The following CUBN variants were observed in gnomAD, a reference collection of about 807,000 sequenced individuals.
The protein encoded by CUBN is cubilin, also known as 460 kDa receptor.
A neutral mutation model predicts 405.3 loss-of-function variants in CUBN; 282 were observed. The observed-to-expected ratio is 0.70, with a 90% CI of 0.63 to 0.77. The LOEUF is 0.77. CUBN is among the 30% of genes least tolerant of loss of function. CUBN has a pLI of 0.00. For synonymous variants in CUBN, 1,684 were observed against 1,617.0 expected, an observed-to-expected ratio of 1.04 and a Z score of -0.99; for missense variants, 4,514 against 4,475.2, an observed-to-expected ratio of 1.01 and a Z score of -0.25.
intron 59 of CUBN, among the ~76,000 whole-genome samples, chr10:16,867,800 C>T (rs1840229657): frequency 6.6e-6 from 1 of 152,104 alleles, no homozygotes; most frequent in African/African-American, 2.4e-5. Flanking sequence ...CACAATAGGT[C>T]TAAAAATGTC....
At chr10:17,011,250 C>T (rs983213860) in intron 28 of CUBN, among the ~76,000 whole-genome samples, 15 of 152,162 alleles carry the variant, frequency 9.9e-5, no homozygotes, top group African/African-American at 3.6e-4. Context: ...AATGAAGCCA[C>T]GGACCCTCAC....
intron 15 of CUBN, 50 bp from the exon 16 acceptor site, chr10:17,085,809 A>G (rs1354263372): frequency 6.6e-7 from 1 of 1,515,768 alleles, no homozygotes; most frequent in African/African-American, 1.4e-5. Flanking sequence ...GATTTTTAAC[A>G]AACTAGGTCA....
At chr10:16,834,483 G>T (rs944998219) in intron 64 of CUBN, among the ~76,000 whole-genome samples, 11 of 152,112 alleles carry the variant, frequency 7.2e-5, no homozygotes, top group African/African-American at 2.7e-4. Context: ...GGTGAAGAAA[G>T]GACAGACCAC....
In CUBN at chr10:16,836,462, A is replaced by G. The variant is rs1212194905; in HGVS notation, c.10033-80T>C. On this transcript the variant is annotated intron_variant, in intron 62 of 66. Transcript: ENST00000377833. The stretch of plus-strand genomic sequence containing the variant: ...CCATAACAGAAATTAGACTGCATAT[A>G]AAAGCATGGTGTAAATATTTAGCCA... 30 of 1,293,982 alleles carry G rather than the reference A, an allele frequency of 2.3e-5. No individual in the cohort carries two copies. In the East Asian group the frequency reaches 6.0e-4, roughly 26 times the overall value. 80.2% of individuals were successfully genotyped at this position (1,293,982 alleles called of 1,614,324 possible). A position where few individuals can be genotyped will look rare whatever the true frequency, so the allele number is the denominator to read the frequency against.
rs375755863 is a variant in CUBN, at chr10:17,127,294, C to T, written c.349-495G>A. 8.6e-5 allele frequency among the ~76,000 whole-genome samples: 11 copies of T among 127,382 alleles called. No individual in the cohort carries two copies. The South Asian group carries it at 3.0e-3, about 35-fold the overall frequency. The allele number at this position is 127,382 out of a possible 152,430, so 83.6% of individuals were successfully genotyped here. ...TTTTTTTTTTTTTTTCTGGCAAGGT[C>T]CCACTCTGTTGCCTGGGCTGGAGCA... On this transcript the variant is annotated intron_variant, in intron 3 of 66. Coordinates refer to ENST00000377833, the MANE Select transcript of CUBN (RefSeq NM_001081.4).
At chr10:16,984,376 A>G (rs1341653322) in intron 29 of CUBN, 97 bp from the exon 30 acceptor site, 37 of 1,217,468 alleles carry the variant, frequency 3.0e-5, no homozygotes, top group Non-Finnish European at 4.1e-5. Flanking sequence ...CTTGGGTTCT[A>G]TGATTATTAG....
rs375230728 is a variant in CUBN, at chr10:16,954,798, C to T, written c.4696-250G>A. On this transcript the variant is annotated intron_variant, in intron 31 of 66. Coordinates refer to ENST00000377833, the MANE Select transcript of CUBN (RefSeq NM_001081.4). ...GATTTCTTGATATCTTCATAAATGC[C>T]GTCCCTTCCACACTCCCCTTCCTTC... Among the ~76,000 whole-genome samples, 328 of 152,148 alleles carry T rather than the reference C, an allele frequency of 2.2e-3. 1 individual carries two copies. The highest frequency in any genetic ancestry group is 7.6e-3 in the African/African-American group (315 of 41,502).
intron 65 of CUBN, among the ~76,000 whole-genome samples, chr10:16,829,860 C>T (rs1427438429): frequency 1.3e-5 from 2 of 151,384 alleles, no homozygotes; most frequent in East Asian, 1.9e-4. Flanking sequence ...CTTGCTCTGT[C>T]GCCCAGGCTG....
At chr10:16,965,988 G>T (rs767844910) in intron 31 of CUBN, 1 of 471,008 alleles carries the variant, frequency 2.1e-6, no homozygotes. Flanking sequence ...CTAGAGAAAA[G>T]GTGAAATCAA....
chr10:17,027,451 G>A (rs1053015482), intron 27 of CUBN, among the ~76,000 whole-genome samples: 10 of 152,104 alleles, frequency 6.6e-5, no homozygotes, highest in African/African-American at 1.9e-4. Flanking sequence ...TACAAGGAGC[G>A]ATGACAGGAA....
intron 41 of CUBN, among the ~76,000 whole-genome samples, chr10:16,927,511 T>C (rs1341248692): frequency 6.6e-6 from 1 of 152,238 alleles, no homozygotes; most frequent in Non-Finnish European, 1.5e-5. Context: ...TAATGTTAGA[T>C]TGAGAATCTA....
chr10:17,127,786 A>AG, intron 3 of CUBN, 43 bp downstream of exon 3: 1 of 1,408,120 alleles, frequency 7.1e-7, no homozygotes, highest in Non-Finnish European at 1.0e-6. Context: ...CAATAGAACT[A>AG]GGGAGAACTC....
Position 17,103,223 on chromosome 10 carries a change from G to C in CUBN, c.1432C>G (p.Leu478Val), listed in dbSNP as rs1403355266. 6.2e-7 allele frequency: 1 copy of C among 1,610,720 alleles called. No individual in the cohort carries two copies. ...QVPQQVCGESLSGINGSFSYR... is the reference protein window; with the variant it reads ...QVPQQVCGESVSGINGSFSYR... ...CTGAAGCTTCCATTTATTCCTGAGAGGGACTCTCCACAAACTGCAAAGGAA... is the reference window on the plus strand; with the variant it reads ...CTGAAGCTTCCATTTATTCCTGAGACGGACTCTCCACAAACTGCAAAGGAA... Residue 478 changes from leucine to valine, a missense_variant, in exon 13 of 67, where the codon CTC (leucine) becomes GTC (valine). This residue lies in a region of CUBN where 1,448 missense variants were observed against 1,388.0 expected (regional missense o/e 1.04). Coordinates refer to ENST00000377833, the MANE Select transcript of CUBN (RefSeq NM_001081.4).
At chr10:16,864,651 T>A (rs978477295) in intron 59 of CUBN, among the ~76,000 whole-genome samples, 5 of 136,482 alleles carry the variant, frequency 3.7e-5, no homozygotes, top group Non-Finnish European at 7.5e-5. Flanking sequence ...ATGTCTTTTT[T>A]TCTTTCTTTT....
chr10:16,907,339 T>C (rs901815613), intron 49 of CUBN, among the ~76,000 whole-genome samples, 169 bp downstream of exon 49: 12 of 152,210 alleles, frequency 7.9e-5, no homozygotes, highest in Non-Finnish European at 1.5e-4. Context: ...AGAAAGCTTT[T>C]TTTCTGTCTG....
rs1307441560 is a variant in CUBN, at chr10:16,841,067, A to G, written c.9664-20T>C. 3.1e-6 allele frequency: 5 copies of G among 1,612,386 alleles called. No homozygotes were observed. The highest frequency in any genetic ancestry group is 1.7e-5 in the Admixed American group (1 of 59,966). On this transcript the variant is annotated intron_variant, in intron 60 of 66. Coordinates refer to ENST00000377833, the MANE Select transcript of CUBN (RefSeq NM_001081.4). Reference sequence around the variant, plus strand: ...ATATAACTGAGAAGAAAAACAATTCATTACTTCTCCATTACTTACAAAAAA... The same window carrying G: ...ATATAACTGAGAAGAAAAACAATTCGTTACTTCTCCATTACTTACAAAAAA...
chr10:17,048,380 C>T (rs7909998), intron 22 of CUBN, among the ~76,000 whole-genome samples: 17,105 of 152,210 alleles, frequency 0.11, 1,751 homozygotes, highest in African/African-American at 0.27. Flanking sequence ...TTTAACGTTA[C>T]CTATTCAGTC....
chr10:16,871,103 C>A (rs1437217511), intron 58 of CUBN, among the ~76,000 whole-genome samples: 1 of 151,916 alleles, frequency 6.6e-6, no homozygotes, highest in Non-Finnish European at 1.5e-5. Context: ...TCTCAGCTCA[C>A]TGCAACCTCT....
Position 17,041,010 on chromosome 10 carries a change from C to CA in CUBN, c.4017+22dup, listed in dbSNP as rs1243166576. On this transcript the variant is annotated intron_variant, in intron 27 of 66. Coordinates refer to ENST00000377833, the MANE Select transcript of CUBN (RefSeq NM_001081.4). ...TCCCTTGATCTGAAAAAGCAGTGAT[C>CA]AATCAAGCTTTATAATACATACCTC... 1.9e-6 allele frequency: 3 copies of CA among 1,601,042 alleles called. No homozygotes were observed. The Admixed American group carries it at 5.0e-5, about 27-fold the overall frequency.
Sources: gnomAD v4.1 joint callset for allele counts (sites outside exome capture counted in the v4.1 genomes callset) on GRCh38, gnomAD v4.1.1 for gene constraint, gnomAD v4.1.1 regional missense constraint, MANE v1.5 for transcripts, NCBI Gene and HGNC (gene_info 2026-07-23, HGNC 2026-07-21) for gene names.